Variants in TFAP2B observed in about 807,000 individuals in gnomAD.
TFAP2B encodes transcription factor AP-2-beta.
In TFAP2B, 9 loss-of-function variants were observed where a neutral mutation model predicts 44.3. That is an observed-to-expected ratio of 0.20 (90% CI 0.12 to 0.35). TFAP2B has a LOEUF of 0.35. Among genes scored for constraint, TFAP2B ranks in the 10% least tolerant of loss-of-function variants. The pLI, the probability that TFAP2B is intolerant of heterozygous loss-of-function variation, is 1.00. For synonymous variants in TFAP2B, 270 were observed against 263.8 expected, an observed-to-expected ratio of 1.02 and a Z score of -0.23; for missense variants, 509 against 600.0, an observed-to-expected ratio of 0.85 and a Z score of 1.59.
upstream of TFAP2B, chr6:50,818,708 T>C: frequency 1.6e-6 from 1 of 606,358 alleles, no homozygotes; most frequent in East Asian, 2.8e-5. Context: ...CTAACTCCTG[T>C]GTGTGCAATA....
At position 50,846,114 on chromosome 6, in the gene TFAP2B, A is replaced by T. The variant is rs1044653080; in HGVS notation, c.*2722A>T. On this transcript the variant is annotated 3_prime_UTR_variant, in exon 7 of 7. Transcript: ENST00000393655. ...GGGGAGATGGGATGGGAATTGTCTTACTTGGCAAGGCAGGGTACCTTCATT... is the reference window on the plus strand; with the variant it reads ...GGGGAGATGGGATGGGAATTGTCTTTCTTGGCAAGGCAGGGTACCTTCATT... The T allele has an allele frequency of 6.5e-6, 1 of 152,674 alleles. No individual in the cohort carries two copies. Among genetic ancestry groups the T allele is most frequent in the African/African-American group, 2.4e-5 (1 of 41,448 alleles). The allele number at this position is 152,674 out of a possible 1,614,324, so 9.5% of individuals were successfully genotyped here.
At chr6:50,819,453 G>A (rs1425481586) in intron 1 of TFAP2B, among the ~76,000 whole-genome samples, 1 of 151,984 alleles carries the variant, frequency 6.6e-6, no homozygotes, top group Non-Finnish European at 1.5e-5. Context: ...TCCAAGTAGA[G>A]GACAGAGAAT....
intron 6 of TFAP2B, 57 bp downstream of exon 6, chr6:50,840,354 C>CT: frequency 6.2e-7 from 1 of 1,602,982 alleles, no homozygotes; most frequent in South Asian, 1.1e-5. Flanking sequence ...GGCCACCCGA[C>CT]TTTGGAGTAG....
upstream of TFAP2B, among the ~76,000 whole-genome samples, chr6:50,818,499 G>A (rs1306973114): frequency 6.6e-6 from 1 of 152,050 alleles, no homozygotes; most frequent in African/African-American, 2.4e-5. Context: ...TCAGTTAGTG[G>A]CTACAATGAT....
rs1371952839 is a variant in TFAP2B at position 50,843,413 on chromosome 6, G to A, written c.*21G>A. 2 of 1,605,910 alleles carry A rather than the reference G, an allele frequency of 1.2e-6. No individual in the cohort carries two copies. Among genetic ancestry groups the A allele is most frequent in the Admixed American group, 1.7e-5 (1 of 59,086 alleles). On this transcript the variant is annotated 3_prime_UTR_variant, in exon 7 of 7. Transcript: ENST00000393655. ...AATGAAAAATTTTTAAAAAAAGAAG[G>A]AAAAATGTTTTAAATACAAAAGGAA... is the stretch of plus-strand genomic sequence containing the variant.
At position 50,846,592 on chromosome 6, in the gene TFAP2B, C is replaced by T. The variant is rs1406067421; in HGVS notation, c.*3200C>T. ...AGTGCTGCCTTCACACTTTCCACTTCGCAAGTTCTTTTAAAGGTTCCAAAG... is the reference window on the plus strand; with the variant it reads ...AGTGCTGCCTTCACACTTTCCACTTTGCAAGTTCTTTTAAAGGTTCCAAAG... On this transcript the variant is annotated 3_prime_UTR_variant, in exon 7 of 7. Coordinates refer to ENST00000393655, the MANE Select transcript of TFAP2B (RefSeq NM_003221.4). The T allele has an allele frequency of 6.6e-6, 1 of 152,024 alleles. No individual in the cohort carries two copies. Among genetic ancestry groups the T allele is most frequent in the Non-Finnish European group, 1.5e-5 (1 of 68,074 alleles). 9.4% of individuals were successfully genotyped at this position (152,024 alleles called of 1,614,324 possible). A position where few individuals can be genotyped will look rare whatever the true frequency, so the allele number is the denominator to read the frequency against.
At chr6:50,829,734 G>A (rs1770623459) in intron 3 of TFAP2B, among the ~76,000 whole-genome samples, 1 of 152,182 alleles carries the variant, frequency 6.6e-6, no homozygotes, top group Admixed American at 6.5e-5. Flanking sequence ...AATTCATCCA[G>A]ACTCAAATGG....
At chr6:50,832,158 A>G (rs902427118) in intron 3 of TFAP2B, among the ~76,000 whole-genome samples, 1 of 152,228 alleles carries the variant, frequency 6.6e-6, no homozygotes, top group South Asian at 2.1e-4. Flanking sequence ...TCCCATTTCC[A>G]GGTTGGACTT....
chr6:50,819,736 G>A (rs1187416389), intron 1 of TFAP2B, among the ~76,000 whole-genome samples: 1 of 152,222 alleles, frequency 6.6e-6, no homozygotes, highest in African/African-American at 2.4e-5. Flanking sequence ...CCGGGGCCCG[G>A]ACCGCGCTCG....
chr6:50,825,251 A>G (rs1191570821), intron 2 of TFAP2B, among the ~76,000 whole-genome samples: 6 of 151,944 alleles, frequency 3.9e-5, no homozygotes, highest in Non-Finnish European at 7.4e-5. Flanking sequence ...GGCTAGAGAT[A>G]TTGCTCATTT....
intron 6 of TFAP2B, among the ~76,000 whole-genome samples, chr6:50,841,395 T>A (rs373590953): frequency 8.5e-5 from 13 of 152,164 alleles, no homozygotes; most frequent in African/African-American, 2.9e-4. Flanking sequence ...TAGATTGCCC[T>A]CCTGCCCCTT....
chr6:50,837,852 GA>G, intron 4 of TFAP2B, 122 bp from the exon 5 acceptor site: 3 of 831,084 alleles, frequency 3.6e-6, no homozygotes, highest in Non-Finnish European at 6.3e-6. Flanking sequence ...AAGGAAGGGG[GA>G]AAAATGTGCT....
chr6:50,843,017 G>T, intron 6 of TFAP2B, 75 bp from the exon 7 acceptor site: 1 of 1,596,754 alleles, frequency 6.3e-7, no homozygotes, highest in Non-Finnish European at 8.6e-7. Flanking sequence ...CTGGGCTTGT[G>T]TGAGCGTCTC....
At chr6:50,824,701 A>G (rs1770455517) in intron 2 of TFAP2B, among the ~76,000 whole-genome samples, 1 of 152,164 alleles carries the variant, frequency 6.6e-6, no homozygotes, top group African/African-American at 2.4e-5. Flanking sequence ...TCTTAAAACA[A>G]AAGGCTCAAA....
chr6:50,833,362 A>C (rs1209784818), intron 3 of TFAP2B, among the ~76,000 whole-genome samples: 2 of 152,212 alleles, frequency 1.3e-5, no homozygotes, highest in Non-Finnish European at 2.9e-5. Flanking sequence ...AAGTTGGGAC[A>C]AGAAATGTGT....
At chr6:50,842,920 C>A (rs1282085274) in intron 6 of TFAP2B, among the ~76,000 whole-genome samples, 172 bp from the exon 7 acceptor site, 1 of 152,134 alleles carries the variant, frequency 6.6e-6, no homozygotes, top group African/African-American at 2.4e-5. Flanking sequence ...TCCTTTCAGT[C>A]CCAGCTGCTC....
rs1187454072 is a variant in TFAP2B, at chr6:50,845,648, T to G, written c.*2256T>G. The G allele has an allele frequency of 6.5e-6, 1 of 152,720 alleles. No homozygotes were observed. Among genetic ancestry groups the G allele is most frequent in the Non-Finnish European group, 1.5e-5 (1 of 68,080 alleles). The allele number at this position is 152,720 out of a possible 1,614,324, so 9.5% of individuals were successfully genotyped here. A position where few individuals can be genotyped will look rare whatever the true frequency, so the allele number is the denominator to read the frequency against. The stretch of plus-strand genomic sequence containing the variant: ...CCGATCGCATTAGATGTGTTCTGAT[T>G]GCACAAGGCCAGGAGAGACCACACT... On this transcript the variant is annotated 3_prime_UTR_variant, in exon 7 of 7. Coordinates refer to ENST00000393655, the MANE Select transcript of TFAP2B (RefSeq NM_003221.4).
chr6:50,840,978 A>C (rs1169318791), intron 6 of TFAP2B, among the ~76,000 whole-genome samples: 2 of 152,252 alleles, frequency 1.3e-5, no homozygotes, highest in Admixed American at 1.3e-4. Context: ...GCGCGGCCCA[A>C]ACAGCCGCGC....
intron 3 of TFAP2B, among the ~76,000 whole-genome samples, chr6:50,834,317 G>A (rs539373079): frequency 3.1e-4 from 47 of 152,216 alleles, no homozygotes; most frequent in Non-Finnish European, 5.0e-4. Flanking sequence ...CCCTGTCCCC[G>A]CCCCATGACA....
Sources: allele counts gnomAD v4.1 joint callset (sites outside exome capture counted in the v4.1 genomes callset), GRCh38; gene constraint gnomAD v4.1.1; transcripts MANE v1.5; gene names NCBI Gene and HGNC (gene_info 2026-07-23, HGNC 2026-07-21).